The following ELF2 variants were observed in gnomAD, a reference collection of about 807,000 sequenced individuals.
The protein encoded by ELF2 is ETS-related transcription factor Elf-2.
A neutral mutation model predicts 54.8 loss-of-function variants in ELF2; 11 were observed. The observed-to-expected ratio is 0.20, with a 90% CI of 0.13 to 0.33. The LOEUF (loss-of-function observed/expected upper bound fraction) is 0.33, where lower values mean the gene tolerates loss of function less well. Among genes scored for constraint, ELF2 ranks in the 10% least tolerant of loss-of-function variants. The probability of loss-of-function intolerance (pLI) is 1.00; values close to 1 mark genes in which losing one functional copy is unlikely to be tolerated. For missense variants in ELF2, 513 were observed against 703.0 expected (o/e 0.73, Z 3.06); for synonymous variants, 203 against 245.1 (o/e 0.83, Z 1.61).
chr4:139,123,487 C>T (rs1209994839), intron 4 of ELF2, among the ~76,000 whole-genome samples: 1 of 152,106 alleles, frequency 6.6e-6, no homozygotes. Flanking sequence ...AAGTAGATTA[C>T]ATTCGCTTCC....
intron 1 of ELF2, among the ~76,000 whole-genome samples, chr4:139,152,899 T>C (rs1219866890): frequency 6.9e-6 from 1 of 144,928 alleles, no homozygotes; most frequent in Non-Finnish European, 1.5e-5. Context: ...TACTTTTTTT[T>C]TTTTTTTTTT....
intron 3 of ELF2, among the ~76,000 whole-genome samples, chr4:139,129,017 C>G (rs1010523278): frequency 2.0e-5 from 3 of 152,112 alleles, no homozygotes; most frequent in Admixed American, 2.0e-4. Context: ...TGACACACCG[C>G]AACCTCTGCC....
At chr4:139,070,950 A>G (rs989743700) in intron 6 of ELF2, among the ~76,000 whole-genome samples, 2 of 152,148 alleles carry the variant, frequency 1.3e-5, no homozygotes, top group African/African-American at 4.8e-5. Context: ...TAAAATGTGA[A>G]GAGTTAGAGA....
rs1733011394 is a variant in ELF2, at chr4:139,094,336, C to G, written c.239-20769G>C. ...ATGACCATAGATACAGGACCAAAGC[C>G]ATCACAGCAGAGCCACATAACCAGC... On this transcript the variant is annotated intron_variant, in intron 4 of 9. Transcript: ENST00000686138. Among the ~76,000 whole-genome samples, 3 of 152,184 alleles carry G rather than the reference C, an allele frequency of 2.0e-5. No individual in the cohort carries two copies. The South Asian group carries it at 6.2e-4, about 32-fold the overall frequency.
chr4:139,121,265 C>T (rs538942636), intron 4 of ELF2, among the ~76,000 whole-genome samples: 184 of 150,814 alleles, frequency 1.2e-3, no homozygotes, highest in Admixed American at 2.6e-3. Context: ...CCCGCTACCA[C>T]GCCCGGCTAA....
intron 4 of ELF2, among the ~76,000 whole-genome samples, chr4:139,089,403 G>A (rs1732348815): frequency 6.6e-6 from 1 of 152,046 alleles, no homozygotes; most frequent in East Asian, 1.9e-4. Context: ...CTGTAAAATT[G>A]TTTTCCCCCA....
intron 4 of ELF2, among the ~76,000 whole-genome samples, chr4:139,081,146 G>A (rs1229918028): frequency 1.3e-5 from 2 of 151,996 alleles, no homozygotes; most frequent in African/African-American, 2.4e-5. Context: ...GTCAAGGCTC[G>A]TTCTCATACA....
chr4:139,147,725 C>T (rs561929778), intron 1 of ELF2, among the ~76,000 whole-genome samples: 10 of 151,814 alleles, frequency 6.6e-5, no homozygotes, highest in East Asian at 1.9e-4. Flanking sequence ...TTACCTGCCT[C>T]GGCCTCCCAA....
intron 4 of ELF2, chr4:139,084,390 C>T: frequency 6.9e-7 from 1 of 1,446,576 alleles, no homozygotes; most frequent in East Asian, 2.6e-5. Context: ...CGCCGCCGGG[C>T]TGAGAAACCC....
chr4:139,074,585 C>T (rs1032851881), intron 4 of ELF2, among the ~76,000 whole-genome samples: 4 of 151,838 alleles, frequency 2.6e-5, no homozygotes, highest in Non-Finnish European at 5.9e-5. Flanking sequence ...CATGGTGAAA[C>T]TCCATCTCTA....
At chr4:139,112,764 C>A (rs945254213) in intron 4 of ELF2, among the ~76,000 whole-genome samples, 3 of 151,718 alleles carry the variant, frequency 2.0e-5, no homozygotes, top group African/African-American at 7.3e-5. Flanking sequence ...AGATGTATAG[C>A]AAAATTAAAA....
At chr4:139,070,403 G>A (rs977637964) in intron 6 of ELF2, among the ~76,000 whole-genome samples, 1 of 151,780 alleles carries the variant, frequency 6.6e-6, no homozygotes, top group East Asian at 1.9e-4. Context: ...CGATTCTCCT[G>A]CCTCAGCCTC....
intron 4 of ELF2, among the ~76,000 whole-genome samples, chr4:139,082,856 G>C (rs1731313287): frequency 6.6e-6 from 1 of 152,206 alleles, no homozygotes; most frequent in African/African-American, 2.4e-5. Flanking sequence ...CATCGATCCA[G>C]GGCCCTCACT....
chr4:139,171,601 G>GA lies in ELF2; in HGVS notation c.-252+5365dup, dbSNP rs1309278648. ...ATGACTCCACTAAACAGTACACAGA[G>GA]AAAAAAACAAAAAAAAAAACACAAC... On this transcript the variant is annotated intron_variant, in intron 1 of 9. Transcript: ENST00000686138. 1.3e-4 allele frequency among the ~76,000 whole-genome samples: 17 copies of GA among 126,730 alleles called. No homozygotes were observed. The South Asian group carries it at 2.9e-3, about 22-fold the overall frequency. The allele number at this position is 126,730 out of a possible 152,430, so 83.1% of individuals were successfully genotyped here.
At chr4:139,164,991 C>T (rs1176101359) in intron 1 of ELF2, among the ~76,000 whole-genome samples, 1 of 152,220 alleles carries the variant, frequency 6.6e-6, no homozygotes, top group Admixed American at 6.5e-5. Flanking sequence ...AATTTTTCAT[C>T]AGGTCCAACT....
intron 4 of ELF2, among the ~76,000 whole-genome samples, chr4:139,093,091 G>A (rs544478050): frequency 5.8e-4 from 87 of 150,760 alleles, no homozygotes; most frequent in African/African-American, 1.9e-3. Context: ...TCAGCCTTCT[G>A]AGTAGCTGGG....
chr4:139,115,476 CG>C (rs1222160996), intron 4 of ELF2: 1 of 855,086 alleles, frequency 1.2e-6, no homozygotes, highest in African/African-American at 1.8e-5. Flanking sequence ...GCGAGGGCAG[CG>C]GCGGGGGTGC....
At chr4:139,113,000 A>G (rs911800510) in intron 4 of ELF2, among the ~76,000 whole-genome samples, 5 of 152,254 alleles carry the variant, frequency 3.3e-5, no homozygotes, top group African/African-American at 1.2e-4. Context: ...TCTATCGTCT[A>G]GATATACTTT....
intron 4 of ELF2, chr4:139,116,563 A>G: frequency 4.6e-6 from 3 of 654,850 alleles, no homozygotes; most frequent in Non-Finnish European, 5.7e-6. Context: ...GTCACCCTTT[A>G]AACAAAAATA....
Sources: gnomAD v4.1 joint callset for allele counts (sites outside exome capture counted in the v4.1 genomes callset) on GRCh38, gnomAD v4.1.1 for gene constraint, MANE v1.5 for transcripts, NCBI Gene and HGNC (gene_info 2026-07-23, HGNC 2026-07-21) for gene names.